Variants in CSNK2A2IP observed in about 807,000 individuals in gnomAD.
CSNK2A2IP encodes the protein casein kinase 2 subunit alpha' interacting protein, also known as casein kinase II subunit alpha'-interacting protein.
At chr3:88,417,372 A>G in the CSNK2A2IP span, among the ~76,000 whole-genome samples, 1 of 152,054 alleles carries the variant, frequency 6.6e-6, no homozygotes, top group African/African-American at 2.4e-5. Context: ...GCATTTTAAA[A>G]CCCAAATATT....
the CSNK2A2IP span, among the ~76,000 whole-genome samples, chr3:88,463,411 C>A: frequency 6.6e-6 from 1 of 152,060 alleles, no homozygotes; most frequent in Non-Finnish European, 1.5e-5. Context: ...TCACTTTAGG[C>A]CAGCTACAAG....
the CSNK2A2IP span, among the ~76,000 whole-genome samples, chr3:88,416,702 G>A: frequency 6.6e-6 from 1 of 152,174 alleles, no homozygotes; most frequent in African/African-American, 2.4e-5. Context: ...ATGATGCTCA[G>A]TTCAAGACAA....
the CSNK2A2IP span, among the ~76,000 whole-genome samples, chr3:88,411,331 GCTCA>G: frequency 6.6e-6 from 1 of 150,828 alleles, no homozygotes; most frequent in African/African-American, 2.5e-5. Flanking sequence ...CATAAATTTA[GCTCA>G]CTCACTCTAT....
the CSNK2A2IP span, among the ~76,000 whole-genome samples, chr3:88,352,710 C>T: frequency 6.6e-6 from 1 of 151,980 alleles, no homozygotes; most frequent in Admixed American, 6.6e-5. Flanking sequence ...TCTTGAGTAG[C>T]CCGGACCACA....
the CSNK2A2IP span, among the ~76,000 whole-genome samples, chr3:88,423,655 T>C: frequency 6.6e-6 from 1 of 152,160 alleles, no homozygotes; most frequent in African/African-American, 2.4e-5. Flanking sequence ...ACGAGTCTGA[T>C]CCTTCAGTCC....
At chr3:88,399,975 C>T in the CSNK2A2IP span, 1 of 152,122 alleles carries the variant, frequency 6.6e-6, no homozygotes, top group African/African-American at 2.4e-5. Flanking sequence ...AAGTATAAAA[C>T]ATTATCATAT....
the CSNK2A2IP span, among the ~76,000 whole-genome samples, chr3:88,370,584 C>T: frequency 7.6e-6 from 1 of 132,344 alleles, no homozygotes; most frequent in Non-Finnish European, 1.7e-5. Context: ...TTCTTTCTCT[C>T]TCTCTTTCTT....
the CSNK2A2IP span, among the ~76,000 whole-genome samples, chr3:88,398,285 A>G: frequency 6.6e-6 from 1 of 152,140 alleles, no homozygotes; most frequent in Admixed American, 6.5e-5. Flanking sequence ...GATTTTAATC[A>G]AGACTCATTA....
At chr3:88,361,129 A>G in the CSNK2A2IP span, among the ~76,000 whole-genome samples, 1 of 152,140 alleles carries the variant, frequency 6.6e-6, no homozygotes, top group African/African-American at 2.4e-5. Flanking sequence ...TACTAAATTT[A>G]TGAGTTGTTT....
chr3:88,424,330 T>G, the CSNK2A2IP span, among the ~76,000 whole-genome samples: 16 of 152,302 alleles, frequency 1.1e-4, no homozygotes, highest in African/African-American at 3.8e-4. Context: ...TTTTGCCTGT[T>G]ATCGATGAGC....
At chr3:88,405,112 G>A in the CSNK2A2IP span, among the ~76,000 whole-genome samples, 3 of 152,096 alleles carry the variant, frequency 2.0e-5, no homozygotes, top group South Asian at 4.2e-4. Flanking sequence ...CCCCCACCCA[G>A]TTCTTTCACT....
the CSNK2A2IP span, chr3:88,465,054 C>T: frequency 2.1e-3 from 480 of 227,694 alleles, 2 homozygotes; most frequent in African/African-American, 1.0e-2. Flanking sequence ...CTATCAGGAC[C>T]TCTTCTGACC....
At chr3:88,446,310 G>A in the CSNK2A2IP span, among the ~76,000 whole-genome samples, 9 of 151,794 alleles carry the variant, frequency 5.9e-5, no homozygotes, top group African/African-American at 1.7e-4. Context: ...GGCTGGTCTC[G>A]AACTCCTGAC....
chr3:88,462,114 C>CATATATATATATATATATATAT, the CSNK2A2IP span, among the ~76,000 whole-genome samples: 1 of 143,152 alleles, frequency 7.0e-6, no homozygotes, highest in African/African-American at 2.6e-5. Flanking sequence ...GAGTTTTTTT[C>CATATATATATATATATATATAT]ATATATATAT....
At chr3:88,348,760 G>A in the CSNK2A2IP span, among the ~76,000 whole-genome samples, 10 of 151,952 alleles carry the variant, frequency 6.6e-5, no homozygotes, top group African/African-American at 2.4e-4. Context: ...CTTTTTACTA[G>A]CTGTCAGCTA....
chr3:88,450,384 T>A, the CSNK2A2IP span, among the ~76,000 whole-genome samples: 1 of 152,196 alleles, frequency 6.6e-6, no homozygotes. Context: ...AATTCTCATG[T>A]TGTACATTAG....
the CSNK2A2IP span, among the ~76,000 whole-genome samples, chr3:88,388,243 A>G: frequency 5.9e-5 from 9 of 152,314 alleles, no homozygotes; most frequent in South Asian, 1.2e-3. Context: ...CTCACATACT[A>G]TTATTGTCTT....
the CSNK2A2IP span, among the ~76,000 whole-genome samples, chr3:88,370,946 A>G: frequency 1.3e-5 from 2 of 151,796 alleles, no homozygotes; most frequent in Non-Finnish European, 2.9e-5. Context: ...AGGTGAGAAC[A>G]TAATGAGAAA....
At chr3:88,341,025 T>C in the CSNK2A2IP span, among the ~76,000 whole-genome samples, 1 of 152,012 alleles carries the variant, frequency 6.6e-6, no homozygotes, top group African/African-American at 2.4e-5. Flanking sequence ...ATCCAAATTA[T>C]GGTTCATATT....
Sources: gnomAD v4.1 joint callset for allele counts (sites outside exome capture counted in the v4.1 genomes callset) on GRCh38, gnomAD v4.1.1 for gene constraint, MANE v1.5 for transcripts, NCBI Gene and HGNC (gene_info 2026-07-23, HGNC 2026-07-21) for gene names.